Variants in ZC3H6 observed in about 807,000 individuals in gnomAD.
ZC3H6 encodes zinc finger CCCH-type containing 6.
A neutral mutation model predicts 107.7 loss-of-function variants in ZC3H6; 40 were observed. The observed-to-expected ratio is 0.37, with a 90% CI of 0.29 to 0.48. The LOEUF (loss-of-function observed/expected upper bound fraction) is 0.48. Among genes scored for constraint, ZC3H6 ranks in the 20% least tolerant of loss-of-function variants. ZC3H6 has a pLI of 0.98. For missense variants in ZC3H6, 1,267 were observed against 1,410.4 expected, an observed-to-expected ratio of 0.90 and a Z score of 1.63; for synonymous variants, 493 against 487.9, an observed-to-expected ratio of 1.01 and a Z score of -0.14.
intron 1 of ZC3H6, among the ~76,000 whole-genome samples, chr2:112,283,133 A>G (rs1686554404): frequency 6.6e-6 from 1 of 152,098 alleles, no homozygotes; most frequent in South Asian, 2.1e-4. Context: ...CTTTCTGAGG[A>G]CATTCTTATT....
At chr2:112,287,941 C>A (rs1471089482) in intron 1 of ZC3H6, among the ~76,000 whole-genome samples, 2 of 152,242 alleles carry the variant, frequency 1.3e-5, no homozygotes, top group Admixed American at 1.3e-4. Flanking sequence ...AAATAAAATA[C>A]ATGGCATGCC....
intron 1 of ZC3H6, among the ~76,000 whole-genome samples, chr2:112,278,216 A>G (rs1686462742): frequency 6.6e-6 from 1 of 152,234 alleles, no homozygotes; most frequent in African/African-American, 2.4e-5. Context: ...CTTTCCATAT[A>G]ATAGCTATTT....
intron 1 of ZC3H6, among the ~76,000 whole-genome samples, chr2:112,282,451 G>A (rs1370253581): frequency 6.6e-6 from 1 of 152,214 alleles, no homozygotes; most frequent in Admixed American, 6.5e-5. Flanking sequence ...GACAGGTACT[G>A]TTTTAAGTGC....
chr2:112,317,454 A>G, intron 7 of ZC3H6, 122 bp downstream of exon 7: 1 of 549,772 alleles, frequency 1.8e-6, no homozygotes, highest in Non-Finnish European at 3.1e-6. Flanking sequence ...AAAACAACAC[A>G]TTACATAAAC....
Position 112,338,855 on chromosome 2 carries a change from GTATATATATATATATATATA to G in ZC3H6, c.*6406_*6425del, listed in dbSNP as rs1157174486. The G allele has an allele frequency of 0.021, 825 of 38,434 alleles. 39 individuals carry two copies. Among genetic ancestry groups the G allele is most frequent in the South Asian group, 0.089 (111 of 1,248 alleles). 2.4% of individuals were successfully genotyped at this position (38,434 alleles called of 1,614,324 possible). Reference sequence around the variant, plus strand: ...TATATATATATGTATGTATATGTGTGTATATATATATATATATATATATATATATATATATATATATATAT... The same window carrying G: ...TATATATATATGTATGTATATGTGTGTATATATATATATATATATATATAT... On this transcript the variant is annotated 3_prime_UTR_variant, in exon 12 of 12. Transcript: ENST00000409871.
intron 9 of ZC3H6, among the ~76,000 whole-genome samples, chr2:112,323,670 AT>A (rs1490864762): frequency 1.3e-5 from 2 of 152,246 alleles, no homozygotes; most frequent in African/African-American, 4.8e-5. Flanking sequence ...GGAAATAATA[AT>A]TAAATTAGCA....
chr2:112,335,885 T>A lies in ZC3H6; in HGVS notation c.*3397T>A, dbSNP rs180931238. 1.3e-5 allele frequency: 2 copies of A among 152,268 alleles called. No individual in the cohort carries two copies. Among genetic ancestry groups the A allele is most frequent in the African/African-American group, 4.8e-5 (2 of 41,554 alleles). 9.4% of individuals were successfully genotyped at this position (152,268 alleles called of 1,614,324 possible). A position where few individuals can be genotyped will look rare whatever the true frequency, so the allele number is the denominator to read the frequency against. On this transcript the variant is annotated 3_prime_UTR_variant, in exon 12 of 12. Coordinates refer to ENST00000409871, the MANE Select transcript of ZC3H6 (RefSeq NM_198581.3). ...TATATAGACTTGGGCCTCTTCAAGA[T>A]CTGACTTCTCTGCACATTCTATACA...
At position 112,331,081 on chromosome 2, in the gene ZC3H6, G is replaced by A. The variant is rs1677020512; in HGVS notation, c.2163G>A (p.Gln721=). 3.1e-6 allele frequency: 5 copies of A among 1,602,926 alleles called. No individual in the cohort carries two copies. Among genetic ancestry groups the A allele is most frequent in the Non-Finnish European group, 4.3e-6 (5 of 1,174,458 alleles). The part of the protein sequence containing the change: ...SSVKSILKTL[Q]KQTETLRNQQ... ...TCAAATCAATACTGAAAACATTACA[G>A]AAACAAACAGAAACTTTAAGGAATC... Residue 721 remains glutamine, a synonymous_variant, in exon 12 of 12, where the codon CAG becomes CAA. Transcript: ENST00000409871.
intron 5 of ZC3H6, 110 bp from the exon 6 acceptor site, chr2:112,316,360 G>C: frequency 1.5e-6 from 1 of 682,440 alleles, no homozygotes. Flanking sequence ...GTTCAATCTT[G>C]ATCACTTTTT....
At position 112,292,612 on chromosome 2, in the gene ZC3H6, T is replaced by A. The variant is rs189561171; in HGVS notation, c.33-7237T>A. Among the ~76,000 whole-genome samples, 5 of 152,330 alleles carry A rather than the reference T, an allele frequency of 3.3e-5. No individual in the cohort carries two copies. The East Asian group carries it at 9.6e-4, about 29-fold the overall frequency. On this transcript the variant is annotated intron_variant, in intron 1 of 11. Coordinates refer to ENST00000409871, the MANE Select transcript of ZC3H6 (RefSeq NM_198581.3). Reference sequence around the variant, plus strand: ...TAGCCAAATTGTCTTTTCTTTCAGTTTGACTATAGGTTAGTCAACCTTCCC... The same window carrying A: ...TAGCCAAATTGTCTTTTCTTTCAGTATGACTATAGGTTAGTCAACCTTCCC...
Position 112,324,298 on chromosome 2 carries a change from C to T in ZC3H6, c.1487C>T (p.Pro496Leu), listed in dbSNP as rs571613629. ...SQGHSSPVMH[P>L]GSPGHHPCAG... ...GGACACAGTAGTCCTGTGATGCACC[C>T]AGGCTCCCCTGGACATCACCCATGT... The change falls in exon 10 of 12, where the codon CCA (proline) becomes CTA (leucine). Residue 496 changes from proline (P) to leucine (L), a missense_variant. Transcript: ENST00000409871. 4.3e-6 allele frequency: 7 copies of T among 1,613,984 alleles called. No individual in the cohort carries two copies. In the South Asian group the frequency reaches 5.5e-5, roughly 13 times the overall value.
intron 3 of ZC3H6, among the ~76,000 whole-genome samples, chr2:112,306,930 G>T (rs998644256): frequency 6.6e-6 from 1 of 152,164 alleles, no homozygotes; most frequent in Non-Finnish European, 1.5e-5. Context: ...TCCAAATGCT[G>T]CCCACTTCTC....
rs1677207044 is a variant in ZC3H6, at chr2:112,339,689, A to G, written c.*7201A>G. 6.7e-6 allele frequency: 1 copy of G among 150,148 alleles called. No homozygotes were observed. Among genetic ancestry groups the G allele is most frequent in the Non-Finnish European group, 1.5e-5 (1 of 67,688 alleles). 9.3% of individuals were successfully genotyped at this position (150,148 alleles called of 1,614,324 possible). A position where few individuals can be genotyped will look rare whatever the true frequency, so the allele number is the denominator to read the frequency against. The stretch of plus-strand genomic sequence containing the variant: ...GTGGGCTGAAATCCAGGTTATACCT[A>G]TTCACTATGACTTTTTTTTTTTTTA... On this transcript the variant is annotated 3_prime_UTR_variant, in exon 12 of 12. Transcript: ENST00000409871.
chr2:112,297,186 C>T (rs1453155579), intron 1 of ZC3H6, among the ~76,000 whole-genome samples: 1 of 152,136 alleles, frequency 6.6e-6, no homozygotes, highest in Admixed American at 6.5e-5. Context: ...TATACACATC[C>T]CAGTTTCAGC....
At chr2:112,298,007 C>T (rs1260904806) in intron 1 of ZC3H6, among the ~76,000 whole-genome samples, 4 of 151,950 alleles carry the variant, frequency 2.6e-5, no homozygotes, top group Admixed American at 6.6e-5. Context: ...CCCAGCTACT[C>T]GGAGGCTGAG....
Position 112,331,280 on chromosome 2 carries a change from T to C in ZC3H6, c.2362T>C (p.Leu788=), listed in dbSNP as rs1677026332. The C allele has an allele frequency of 6.2e-7, 1 of 1,613,522 alleles. No individual in the cohort carries two copies. Among genetic ancestry groups the C allele is most frequent in the African/African-American group, 1.3e-5 (1 of 74,886 alleles). ...DLRLAWDPRK[L]RGNGSGHIGS... The stretch of plus-strand genomic sequence containing the variant: ...TAGACTTGCGTGGGATCCCAGGAAA[T>C]TGAGAGGGAATGGAAGTGGTCACAT... Residue 788 remains leucine (L), a synonymous_variant, in exon 12 of 12, where the codon TTG becomes CTG. Coordinates refer to ENST00000409871, the MANE Select transcript of ZC3H6 (RefSeq NM_198581.3).
At position 112,331,524 on chromosome 2, in the gene ZC3H6, C is replaced by A. The variant is rs745871307; in HGVS notation, c.2606C>A (p.Thr869Asn). 6.2e-7 allele frequency: 1 copy of A among 1,613,976 alleles called. No homozygotes were observed. ...FSHIKMDITL[T>N]KPNFAKHIVW... ...CACATTAAAATGGACATTACTCTAA[C>A]CAAACCCAACTTTGCAAAACACATC... Residue 869 changes from threonine to asparagine, a missense_variant, in exon 12 of 12, where the codon ACC (threonine) becomes AAC (asparagine). Physicochemically the swap from Thr to Asn is moderately conservative, Grantham distance 65. Transcript: ENST00000409871.
chr2:112,310,956 A>C (rs940740986), intron 4 of ZC3H6, among the ~76,000 whole-genome samples: 9 of 152,210 alleles, frequency 5.9e-5, no homozygotes, highest in Admixed American at 5.9e-4. Flanking sequence ...GCTGAAATAA[A>C]GGGAAAATAA....
intron 5 of ZC3H6, among the ~76,000 whole-genome samples, chr2:112,313,934 TA>T (rs1335367663): frequency 6.6e-6 from 1 of 152,202 alleles, no homozygotes; most frequent in East Asian, 1.9e-4. Context: ...CACTGAATTT[TA>T]AAGGCTTCTT....
Sources: gnomAD v4.1 joint callset for allele counts (sites outside exome capture counted in the v4.1 genomes callset) on GRCh38, gnomAD v4.1.1 for gene constraint, MANE v1.5 for transcripts, NCBI Gene and HGNC (gene_info 2026-07-23, HGNC 2026-07-21) for gene names.